Variants in SLC15A5 observed in about 807,000 individuals in gnomAD.
SLC15A5 encodes the protein Peptide/histidine transporter ENSP00000340402.
Under a neutral mutation model 56.1 loss-of-function variants are expected in SLC15A5, and 58 were observed. The ratio of observed to expected loss-of-function variants is 1.03; its 90% CI spans 0.84 to 1.29. The LOEUF (loss-of-function observed/expected upper bound fraction) is 1.29, where lower values mean the gene tolerates loss of function less well. Ranked by LOEUF, SLC15A5 falls within the 50% of genes most tolerant of loss-of-function variation. SLC15A5 has a pLI of 0.00. For synonymous variants in SLC15A5, 264 were observed against 250.5 expected, an observed-to-expected ratio of 1.05 and a Z score of -0.51; for missense variants, 681 against 672.1, an observed-to-expected ratio of 1.01 and a Z score of -0.15.
chr12:16,239,912 A>C, intron 4 of SLC15A5, 45 bp from the exon 5 acceptor site: 1 of 1,491,804 alleles, frequency 6.7e-7, no homozygotes, highest in South Asian at 1.3e-5. Context: ...CAGGGGTTTA[A>C]CTTTGAAGAA....
chr12:16,212,819 C>G (rs1864096336), intron 7 of SLC15A5, among the ~76,000 whole-genome samples: 1 of 151,890 alleles, frequency 6.6e-6, no homozygotes, highest in Non-Finnish European at 1.5e-5. Flanking sequence ...GACACAGAAT[C>G]AATTTTCAAA....
intron 7 of SLC15A5, among the ~76,000 whole-genome samples, chr12:16,199,300 G>A (rs922073184): frequency 1.3e-4 from 9 of 69,096 alleles, no homozygotes; most frequent in Non-Finnish European, 2.0e-4. Flanking sequence ...TGTGTAGACT[G>A]TCTCAAAAAA....
chr12:16,209,694 T>C (rs1864060534), intron 7 of SLC15A5, among the ~76,000 whole-genome samples: 1 of 152,286 alleles, frequency 6.6e-6, no homozygotes, highest in Middle Eastern at 3.4e-3. Context: ...TCCTCCCTCT[T>C]GCATCCTACT....
At chr12:16,260,534 G>C (rs1034256272) in intron 2 of SLC15A5, among the ~76,000 whole-genome samples, 2 of 151,366 alleles carry the variant, frequency 1.3e-5, no homozygotes, top group African/African-American at 4.9e-5. Context: ...TTTGTCAAAG[G>C]TCTTCATATA....
chr12:16,250,578 C>T (rs951771936), intron 3 of SLC15A5, among the ~76,000 whole-genome samples: 2 of 151,828 alleles, frequency 1.3e-5, no homozygotes, highest in Admixed American at 6.6e-5. Flanking sequence ...ATAGAAACTC[C>T]AGAAGTGCAA....
chr12:16,275,411 G>C, intron 1 of SLC15A5, among the ~76,000 whole-genome samples: 1 of 151,966 alleles, frequency 6.6e-6, no homozygotes, highest in Admixed American at 6.6e-5. Flanking sequence ...AATAAGTTTG[G>C]ATTTCATTTT....
At position 16,254,165 on chromosome 12, in the gene SLC15A5, G is replaced by A. The variant is rs555110813; in HGVS notation, c.754+3536C>T. The stretch of plus-strand genomic sequence containing the variant: ...AGCATGTGACAGGATGCTACAACAT[G>A]GATAAACGTTGAGGATATTAGGCTA... On this transcript the variant is annotated intron_variant, in intron 3 of 8. Coordinates refer to ENST00000344941, the MANE Select transcript of SLC15A5 (RefSeq NM_001170798.1). Among the ~76,000 whole-genome samples, 4 of 152,008 alleles carry A rather than the reference G, an allele frequency of 2.6e-5. No homozygotes were observed. In the East Asian group the frequency reaches 5.8e-4, roughly 22 times the overall value.
intron 5 of SLC15A5, among the ~76,000 whole-genome samples, chr12:16,228,258 G>A (rs1259608488): frequency 2.0e-5 from 3 of 152,286 alleles, no homozygotes; most frequent in Non-Finnish European, 4.4e-5. Flanking sequence ...AGGGCCAGAT[G>A]AAACTGAAAG....
At chr12:16,225,056 C>A (rs1864227736) in intron 5 of SLC15A5, among the ~76,000 whole-genome samples, 2 of 152,200 alleles carry the variant, frequency 1.3e-5, no homozygotes, top group South Asian at 4.2e-4. Flanking sequence ...AGGACATGAA[C>A]CCATGATTTT....
intron 7 of SLC15A5, among the ~76,000 whole-genome samples, chr12:16,208,546 C>T: frequency 6.6e-6 from 1 of 151,978 alleles, no homozygotes; most frequent in Non-Finnish European, 1.5e-5. Flanking sequence ...TGGTGTGTGC[C>T]TACGGTCCTA....
Position 16,205,912 on chromosome 12 carries a change from T to C in SLC15A5, c.1483+10981A>G, listed in dbSNP as rs140437027. ...CTCTTCAAAAGATAGTTGGAGACAG[T>C]GAGGAATTATTTCCCTCAGACTTCA... is the stretch of plus-strand genomic sequence containing the variant. On this transcript the variant is annotated intron_variant, in intron 7 of 8. Coordinates refer to ENST00000344941, the MANE Select transcript of SLC15A5 (RefSeq NM_001170798.1). Among the ~76,000 whole-genome samples the C allele has an allele frequency of 1.5e-4, 23 of 152,258 alleles. No homozygotes were observed. The East Asian group carries it at 4.4e-3, about 29-fold the overall frequency.
At chr12:16,192,632 T>C (rs766090535) in intron 8 of SLC15A5, among the ~76,000 whole-genome samples, 1 of 152,054 alleles carries the variant, frequency 6.6e-6, no homozygotes, top group Non-Finnish European at 1.5e-5. Flanking sequence ...ATGCTTAGCA[T>C]GTTGGTTGAG....
rs1179220050 is a variant in SLC15A5 at position 16,224,400 on chromosome 12, AG to A, written c.1351+13del. 2 of 1,535,450 alleles carry A rather than the reference AG, an allele frequency of 1.3e-6. No homozygotes were observed. The highest frequency in any genetic ancestry group is 1.7e-6 in the Non-Finnish European group (2 of 1,145,784). On this transcript the variant is annotated intron_variant, in intron 6 of 8. Coordinates refer to ENST00000344941, the MANE Select transcript of SLC15A5 (RefSeq NM_001170798.1). The stretch of plus-strand genomic sequence containing the variant: ...CAGTATGTTCTAACATTAGTTGAAA[AG>A]GTGTTTACTCACGGGCTGGGTTTAC...
chr12:16,192,899 A>C (rs1863850611), intron 8 of SLC15A5, among the ~76,000 whole-genome samples: 1 of 152,148 alleles, frequency 6.6e-6, no homozygotes, highest in Admixed American at 6.6e-5. Context: ...TCCATTTTTC[A>C]AATGAAGTAA....
intron 5 of SLC15A5, among the ~76,000 whole-genome samples, chr12:16,229,612 A>G (rs1864275001): frequency 6.6e-6 from 1 of 150,830 alleles, no homozygotes; most frequent in Non-Finnish European, 1.5e-5. Flanking sequence ...CTACCAAGAA[A>G]AGGGCCCAGG....
chr12:16,227,676 A>G (rs1465592471), intron 5 of SLC15A5, among the ~76,000 whole-genome samples: 1 of 152,234 alleles, frequency 6.6e-6, no homozygotes, highest in Non-Finnish European at 1.5e-5. Flanking sequence ...GGGTCAGATC[A>G]TAAGAAGCAT....
chr12:16,232,193 G>C (rs1173295054), intron 5 of SLC15A5, among the ~76,000 whole-genome samples: 1 of 152,102 alleles, frequency 6.6e-6, no homozygotes, highest in Non-Finnish European at 1.5e-5. Context: ...AGAATAATAA[G>C]AAATCTTAGA....
intron 7 of SLC15A5, among the ~76,000 whole-genome samples, chr12:16,197,657 C>T (rs952218001): frequency 6.6e-6 from 1 of 152,070 alleles, no homozygotes; most frequent in Non-Finnish European, 1.5e-5. Context: ...ATCACCTCCT[C>T]CTGCCCCCTT....
In SLC15A5 at chr12:16,188,977, C is replaced by G. The variant is rs752229280; in HGVS notation, c.*691G>C. On this transcript the variant is annotated 3_prime_UTR_variant, in exon 9 of 9. Coordinates refer to ENST00000344941, the MANE Select transcript of SLC15A5 (RefSeq NM_001170798.1). ...CTATTTGGTTTGGTCACTTACCCTC[C>G]TCTCAGCCCCCTCATTTTATCTTCC... The G allele has an allele frequency of 2.0e-5, 3 of 152,054 alleles. No homozygotes were observed. Among genetic ancestry groups the G allele is most frequent in the Non-Finnish European group, 4.4e-5 (3 of 67,960 alleles). The allele number at this position is 152,054 out of a possible 1,614,324, so 9.4% of individuals were successfully genotyped here.
Sources: allele counts gnomAD v4.1 joint callset (sites outside exome capture counted in the v4.1 genomes callset), GRCh38; gene constraint gnomAD v4.1.1; transcripts MANE v1.5; gene names NCBI Gene and HGNC (gene_info 2026-07-23, HGNC 2026-07-21).